TGM2: variants seen among roughly 807,000 people sequenced by gnomAD.
TGM2 encodes the protein protein-glutamine gamma-glutamyltransferase 2.
In TGM2, 53 loss-of-function variants were observed where a neutral mutation model predicts 75.6. The ratio of observed to expected loss-of-function variants is 0.70; its 90% CI spans 0.56 to 0.88. The LOEUF is 0.88. TGM2 is among the 40% of genes least tolerant of loss of function. The pLI is 0.00. For synonymous variants in TGM2, 374 were observed against 381.1 expected (o/e 0.98, Z 0.22); for missense variants, 842 against 928.5 (o/e 0.91, Z 1.21).
chr20:38,137,853 A>G, intron 10 of TGM2: 1 of 723,260 alleles, frequency 1.4e-6, no homozygotes, highest in Admixed American at 3.1e-5. Context: ...CAACTGTGCA[A>G]CCTTAAGAAA....
intron 7 of TGM2, 106 bp from the exon 8 acceptor site, chr20:38,141,491 G>T (rs566693102): frequency 1.2e-6 from 1 of 869,010 alleles, no homozygotes; most frequent in Non-Finnish European, 1.9e-6. Context: ...AGCTCGCCTC[G>T]TCCCAAACTG....
Position 38,138,074 on chromosome 20 carries a change from T to C in TGM2, c.1615+39A>G, listed in dbSNP as rs192479048. On this transcript the variant is annotated intron_variant, in intron 10 of 12. Transcript: ENST00000361475. Reference sequence around the variant, plus strand: ...AGGTCACTACCTAGCATGTTGTCAGTTGGCGGTCAACAAATGCTCCAGGAA... The same window carrying C: ...AGGTCACTACCTAGCATGTTGTCAGCTGGCGGTCAACAAATGCTCCAGGAA... 146 of 1,550,366 alleles carry C rather than the reference T, an allele frequency of 9.4e-5. No homozygotes were observed. The African/African-American group carries it at 1.6e-3, about 17-fold the overall frequency.
chr20:38,168,152 C>T (rs535760867), upstream of TGM2, among the ~76,000 whole-genome samples: 1 of 152,350 alleles, frequency 6.6e-6, no homozygotes, highest in African/African-American at 2.4e-5. Flanking sequence ...CCACATTCCA[C>T]AGAACTATGG....
At chr20:38,137,566 G>A (rs1230565031) in intron 10 of TGM2, among the ~76,000 whole-genome samples, 3 of 152,260 alleles carry the variant, frequency 2.0e-5, no homozygotes, top group Non-Finnish European at 4.4e-5. Flanking sequence ...ATGCTGGATA[G>A]GCGGTGCAGA....
intron 3 of TGM2, among the ~76,000 whole-genome samples, chr20:38,154,021 G>A (rs550965525): frequency 1.3e-3 from 204 of 152,240 alleles, no homozygotes; most frequent in Admixed American, 2.4e-3. Flanking sequence ...GTTTCGCCAT[G>A]TTGGCCAGGC....
At chr20:38,131,683 T>G (rs1392821491) in intron 11 of TGM2, among the ~76,000 whole-genome samples, 2 of 152,168 alleles carry the variant, frequency 1.3e-5, no homozygotes, top group Admixed American at 6.5e-5. Context: ...TCTGACACAC[T>G]GCTCACTGCC....
chr20:38,139,478 T>C lies in TGM2; in HGVS notation c.1276A>G (p.Ile426Val). ...INRSLIVGLK[I>V]STKSVGRDER... ...TCTCGGCCCACGCTCTTAGTGCTGA[T>C]CTTCAGCCCAACGATCAGGGAACGG... The change falls in exon 9 of 13, where the codon ATC becomes GTC. Residue 426 changes from isoleucine to valine, a missense_variant. Coordinates refer to ENST00000361475, the MANE Select transcript of TGM2 (RefSeq NM_004613.4). 1.2e-6 allele frequency: 2 copies of C among 1,614,212 alleles called. No homozygotes were observed. The highest frequency in any genetic ancestry group is 2.2e-5 in the East Asian group (1 of 44,884).
At chr20:38,147,563 T>C (rs2075060768) in intron 5 of TGM2, among the ~76,000 whole-genome samples, 1 of 152,098 alleles carries the variant, frequency 6.6e-6, no homozygotes. Flanking sequence ...CTTCAGAGCG[T>C]GCACCATCAT....
intron 4 of TGM2, among the ~76,000 whole-genome samples, 182 bp downstream of exon 4, chr20:38,150,757 C>T (rs2075105980): frequency 2.0e-5 from 3 of 152,234 alleles, no homozygotes; most frequent in Admixed American, 2.0e-4. Context: ...GCTGTGTGAC[C>T]TCAGGGCAGC....
At position 38,142,070 on chromosome 20, in the gene TGM2, A is replaced by G. The variant is rs141603506; in HGVS notation, c.989T>C (p.Met330Thr). The G allele has an allele frequency of 1.4e-4, 222 of 1,614,032 alleles. No homozygotes were observed. In the African/African-American group the frequency reaches 2.7e-3, roughly 19 times the overall value. ...ACCCTGGCCCCCACCTCACCAGATC[A>G]TCTCGCTCTTGTCACCCTGGATCTC... ...FGEIQGDKSE[M>T]IWNFHCWVES... is the part of the protein sequence containing the mutation. The change falls in exon 7 of 13, where the codon ATG becomes ACG. Residue 330 changes from methionine to threonine, a missense_variant. Physicochemically the swap from Met to Thr is moderately conservative, Grantham distance 81 (BLOSUM62 -1). Transcript: ENST00000361475.
chr20:38,153,413 T>G (rs1224814560), intron 3 of TGM2, among the ~76,000 whole-genome samples: 1 of 151,156 alleles, frequency 6.6e-6, no homozygotes, highest in Non-Finnish European at 1.5e-5. Flanking sequence ...TAATCCCAGG[T>G]ACTCGGGAGG....
chr20:38,153,417 C>T (rs1600509801), intron 3 of TGM2, among the ~76,000 whole-genome samples: 4 of 150,370 alleles, frequency 2.7e-5, no homozygotes, highest in East Asian at 2.0e-4. Context: ...CCCAGGTACT[C>T]GGGAGGCTGA....
intron 2 of TGM2, among the ~76,000 whole-genome samples, chr20:38,160,393 C>T (rs1052521076): frequency 5.9e-5 from 9 of 152,180 alleles, no homozygotes; most frequent in Admixed American, 3.9e-4. Context: ...GGGGATGAGA[C>T]GCCTGGGGAC....
At chr20:38,161,986 T>G (rs574363994) in intron 1 of TGM2, among the ~76,000 whole-genome samples, 8 of 152,268 alleles carry the variant, frequency 5.3e-5, no homozygotes, top group African/African-American at 1.9e-4. Flanking sequence ...ACTATAGGTA[T>G]GTGCCCAGCT....
intron 2 of TGM2, among the ~76,000 whole-genome samples, chr20:38,159,158 G>A (rs953934461): frequency 2.0e-5 from 3 of 152,106 alleles, no homozygotes; most frequent in East Asian, 3.8e-4. Flanking sequence ...CTAACACTAC[G>A]CTGCCCAGAC....
chr20:38,147,247 T>C (rs2075057648), intron 5 of TGM2, among the ~76,000 whole-genome samples: 1 of 151,772 alleles, frequency 6.6e-6, no homozygotes. Context: ...GATTGTGTCG[T>C]TCCCCCTAAA....
chr20:38,161,253 C>T (rs991872563), intron 2 of TGM2, among the ~76,000 whole-genome samples, 167 bp downstream of exon 2: 1 of 152,222 alleles, frequency 6.6e-6, no homozygotes, highest in African/African-American at 2.4e-5. Context: ...TTCCGGGCCT[C>T]AGTTCCCTCA....
At position 38,142,193 on chromosome 20, in the gene TGM2, C is replaced by G. The variant is rs1315526811; in HGVS notation, c.866G>C (p.Arg289Thr). Residue 289 changes from arginine to threonine, a missense_variant, in exon 7 of 13, where the codon AGG becomes ACG. Transcript: ENST00000361475. ...VFAAVACTVL[R>T]CLGIPTRVVT... ...GACGCGGGTAGGGATGCCCAGGCAC[C>G]TCAGCACTGTTGGAGAGGAGTGGAA... 1 of 1,614,198 alleles carries G rather than the reference C, an allele frequency of 6.2e-7. No homozygotes were observed. The highest frequency in any genetic ancestry group is 8.5e-7 in the Non-Finnish European group (1 of 1,180,028).
chr20:38,162,792 G>T (rs142257118), intron 1 of TGM2, among the ~76,000 whole-genome samples: 1 of 152,208 alleles, frequency 6.6e-6, no homozygotes, highest in Non-Finnish European at 1.5e-5. Context: ...ATGAAGGTGC[G>T]CAGGGGCAGG....
Sources: allele counts gnomAD v4.1 joint callset (sites outside exome capture counted in the v4.1 genomes callset), GRCh38; gene constraint gnomAD v4.1.1; transcripts MANE v1.5; gene names NCBI Gene and HGNC (gene_info 2026-07-23, HGNC 2026-07-21).